The following KRT71 variants were observed in gnomAD, a reference collection of about 807,000 sequenced individuals.
KRT71 encodes keratin, type II cytoskeletal 71.
Under a neutral mutation model 46.2 loss-of-function variants are expected in KRT71, and 42 were observed. The ratio of observed to expected loss-of-function variants is 0.91; its 90% CI spans 0.71 to 1.18. The LOEUF (loss-of-function observed/expected upper bound fraction) is 1.18. Ranked by LOEUF, KRT71 falls within the 50% of genes most tolerant of loss-of-function variation. KRT71 has a pLI of 0.00. For synonymous variants in KRT71, 292 were observed against 277.8 expected (o/e 1.05, Z -0.51); for missense variants, 708 against 677.9 (o/e 1.04, Z -0.49).
Position 52,544,443 on chromosome 12 carries a change from G to T in KRT71, c.*89C>A. 8.5e-7 allele frequency: 1 copy of T among 1,177,518 alleles called. No homozygotes were observed. Among genetic ancestry groups the T allele is most frequent in the Non-Finnish European group, 1.3e-6 (1 of 791,496 alleles). 72.9% of individuals were successfully genotyped at this position (1,177,518 alleles called of 1,614,324 possible). ...TGTATGGGAGCAGGACCAGCAGGGTGGAGATGGAGCTGAGAGTGGGCTGTG... is the reference window on the plus strand; with the variant it reads ...TGTATGGGAGCAGGACCAGCAGGGTTGAGATGGAGCTGAGAGTGGGCTGTG... On this transcript the variant is annotated 3_prime_UTR_variant, in exon 9 of 9. Coordinates refer to ENST00000267119, the MANE Select transcript of KRT71 (RefSeq NM_033448.3).
chr12:52,552,043 A>G (rs2120588746), intron 1 of KRT71, among the ~76,000 whole-genome samples: 1 of 152,336 alleles, frequency 6.6e-6, no homozygotes, highest in Admixed American at 6.5e-5. Flanking sequence ...TCTCCATTTT[A>G]GAGATGAGGA....
chr12:52,552,695 G>C lies in KRT71; in HGVS notation c.383C>G (p.Ala128Gly). The C allele has an allele frequency of 6.2e-7, 1 of 1,613,936 alleles. No individual in the cohort carries two copies. The highest frequency in any genetic ancestry group is 8.5e-7 in the Non-Finnish European group (1 of 1,179,854). The change falls in exon 1 of 9, where the codon GCC (alanine) becomes GGC (glycine). Residue 128 changes from alanine (A) to glycine (G), a missense_variant. Coordinates refer to ENST00000267119, the MANE Select transcript of KRT71 (RefSeq NM_033448.3). The stretch of plus-strand genomic sequence containing the variant: ...AGCCTTGATCTGCTCTCGCTCCTGG[G>C]CACGCACTTTCTGGATCTCGGGGTC... ...ELDPEIQKVRAQEREQIKALN... is the reference protein window; with the variant it reads ...ELDPEIQKVRGQEREQIKALN...
At chr12:52,549,608 T>C (rs916654839) in intron 2 of KRT71, among the ~76,000 whole-genome samples, 1 of 152,146 alleles carries the variant, frequency 6.6e-6, no homozygotes, top group African/African-American at 2.4e-5. Flanking sequence ...TGTGGGACTC[T>C]CAGAGGAACC....
intron 7 of KRT71, among the ~76,000 whole-genome samples, chr12:52,545,843 T>C (rs1490546325): frequency 6.6e-6 from 1 of 152,084 alleles, no homozygotes; most frequent in Non-Finnish European, 1.5e-5. Context: ...GTAGGGGCAG[T>C]GTATCTACCT....
chr12:52,552,859 C>A lies in KRT71; in HGVS notation c.219G>T (p.Arg73=). 6.2e-7 allele frequency: 1 copy of A among 1,614,226 alleles called. No homozygotes were observed. The highest frequency in any genetic ancestry group is 1.7e-5 in the Admixed American group (1 of 60,032). The change falls in exon 1 of 9, where the codon CGG becomes CGT. Residue 73 remains arginine, a synonymous_variant. Transcript: ENST00000267119. ...TTCCAGCAAAGCCACTGGCCCGGCC[C>A]CGGCCAAATCCATAGCCTCCACTCT... ...SGKSGGYGFG[R]GRASGFAGSM...
At chr12:52,546,543 G>C (rs1939061638) in intron 6 of KRT71, 37 bp from the exon 7 acceptor site, 3 of 1,595,270 alleles carry the variant, frequency 1.9e-6, no homozygotes, top group Non-Finnish European at 2.6e-6. Flanking sequence ...AAATTTGGAG[G>C]AGCCACTGCA....
intron 1 of KRT71, 29 bp downstream of exon 1, chr12:52,552,608 A>G (rs1939190827): frequency 1.9e-6 from 3 of 1,581,882 alleles, no homozygotes; most frequent in Non-Finnish European, 2.6e-6. Flanking sequence ...AGGGCTGTTC[A>G]CAAGTTCCCC....
In KRT71 at chr12:52,546,415, C is replaced by G; in HGVS notation, c.1196G>C (p.Gly399Ala). Residue 399 changes from glycine to alanine, a missense_variant, in exon 7 of 9, where the codon GGC (glycine) becomes GCC (alanine). By Grantham distance (60) the Gly-to-Ala change is moderately conservative. Transcript: ENST00000267119. ...CTCCTCCTTGGCCTGGTGCAGGGCG[C>G]CCTCCAGCTCGTCCAGCTTGGCCCG... ...DARAKLDELEGALHQAKEELA... is the reference protein window; with the variant it reads ...DARAKLDELEAALHQAKEELA... The G allele has an allele frequency of 6.2e-7, 1 of 1,614,216 alleles. No individual in the cohort carries two copies. Among genetic ancestry groups the G allele is most frequent in the Non-Finnish European group, 8.5e-7 (1 of 1,180,042 alleles).
rs374409282 is a variant in KRT71, at chr12:52,552,831, T to C, written c.247A>G (p.Met83Val). 1.2e-6 allele frequency: 2 copies of C among 1,614,232 alleles called. No individual in the cohort carries two copies. The highest frequency in any genetic ancestry group is 2.2e-5 in the East Asian group (1 of 44,878). Residue 83 changes from methionine (M) to valine (V), a missense_variant, in exon 1 of 9, where the codon ATG becomes GTG. Met to Val is a conservative substitution (Grantham distance 21, BLOSUM62 1). Transcript: ENST00000267119. ...GGCCCCAGGGCCACACTGCCAAACATGCTTCCAGCAAAGCCACTGGCCCGG... is the reference window on the plus strand; with the variant it reads ...GGCCCCAGGGCCACACTGCCAAACACGCTTCCAGCAAAGCCACTGGCCCGG... ...RGRASGFAGS[M>V]FGSVALGPVC...
Position 52,544,273 on chromosome 12 carries a change from G to C in KRT71, c.*259C>G, listed in dbSNP as rs1007089362. On this transcript the variant is annotated 3_prime_UTR_variant, in exon 9 of 9. Coordinates refer to ENST00000267119, the MANE Select transcript of KRT71 (RefSeq NM_033448.3). ...GAGGAAAGCTGGCAGCCAGGACCTGGGCTGGTGGTGTAGCTGGGGGACCAC... is the reference window on the plus strand; with the variant it reads ...GAGGAAAGCTGGCAGCCAGGACCTGCGCTGGTGGTGTAGCTGGGGGACCAC... The C allele has an allele frequency of 1.8e-6, 1 of 556,134 alleles. No individual in the cohort carries two copies. The highest frequency in any genetic ancestry group is 3.2e-6 in the Non-Finnish European group (1 of 308,580). 34.4% of individuals were successfully genotyped at this position (556,134 alleles called of 1,614,324 possible). A position where few individuals can be genotyped will look rare whatever the true frequency, so the allele number is the denominator to read the frequency against.
In KRT71 at chr12:52,550,057, G is replaced by C; in HGVS notation, c.628C>G (p.Arg210Gly). 6.2e-7 allele frequency: 1 copy of C among 1,614,066 alleles called. No homozygotes were observed. The change falls in exon 2 of 9, where the codon CGG becomes GGG. Residue 210 changes from arginine to glycine, a missense_variant. Coordinates refer to ENST00000267119, the MANE Select transcript of KRT71 (RefSeq NM_033448.3). ...VRLDSELRNVRDVVEDYKKRY... is the reference protein window; with the variant it reads ...VRLDSELRNVGDVVEDYKKRY... ...TTCTTGTAGTCCTCCACTACGTCCC[G>C]CACATTCCTCAGCTCCGAGTCCAGC...
chr12:52,552,946 G>A lies in KRT71; in HGVS notation c.132C>T (p.Gly44=). The change falls in exon 1 of 9, where the codon GGC becomes GGT. Residue 44 remains glycine, a synonymous_variant. Coordinates refer to ENST00000267119, the MANE Select transcript of KRT71 (RefSeq NM_033448.3). ...CCCCCAGGCTGTAGAGGCTCCGGCT[G>A]CCAAAGCCCCCACTGAGCCCTTTGC... ...AGSKGLSGGF[G]SRSLYSLGGV... 6.2e-7 allele frequency: 1 copy of A among 1,614,150 alleles called. No individual in the cohort carries two copies. Among genetic ancestry groups the A allele is most frequent in the South Asian group, 1.1e-5 (1 of 91,088 alleles).
intron 8 of KRT71, 63 bp from the exon 9 acceptor site, chr12:52,544,806 C>T: frequency 2.2e-6 from 3 of 1,362,732 alleles, no homozygotes; most frequent in Non-Finnish European, 3.1e-6. Context: ...TCCTTTTCCC[C>T]AGGGCAGACA....
rs757890370 is a variant in KRT71, at chr12:52,548,302, G to A, written c.828C>T (p.Ile276=). Residue 276 remains isoleucine, a synonymous_variant, in exon 5 of 9, where the codon ATC becomes ATT. Coordinates refer to ENST00000267119, the MANE Select transcript of KRT71 (RefSeq NM_033448.3). ...CAGACATGTCACTGATGTGGGACTG[G>A]ATCTGAGTGATCTCCTGCAGGGGAC... is the stretch of plus-strand genomic sequence containing the variant. ...RCLFEAEITQ[I]QSHISDMSVI... 4 of 1,611,568 alleles carry A rather than the reference G, an allele frequency of 2.5e-6. No homozygotes were observed. The highest frequency in any genetic ancestry group is 2.5e-6 in the Non-Finnish European group (3 of 1,178,626).
intron 6 of KRT71, among the ~76,000 whole-genome samples, chr12:52,546,777 C>T (rs1939065312): frequency 1.3e-5 from 2 of 152,232 alleles, no homozygotes; most frequent in Admixed American, 1.3e-4. Flanking sequence ...ATTTATTCAG[C>T]CATATTGTGC....
At chr12:52,548,400 G>T (rs1161760829) in intron 4 of KRT71, 84 bp from the exon 5 acceptor site, 13 of 1,467,690 alleles carry the variant, frequency 8.9e-6, no homozygotes, top group African/African-American at 7.0e-5. Context: ...GCAAATTCTG[G>T]TGATGCCATC....
chr12:52,551,342 A>G (rs1006864169), intron 1 of KRT71, among the ~76,000 whole-genome samples: 3 of 152,060 alleles, frequency 2.0e-5, no homozygotes, highest in African/African-American at 4.8e-5. Context: ...GACCCTCCTC[A>G]TGTTCATCTT....
rs2120568345 is a variant in KRT71, at chr12:52,548,199, T to C, written c.931A>G (p.Ile311Val). The C allele has an allele frequency of 1.2e-6, 2 of 1,614,168 alleles. No homozygotes were observed. Among genetic ancestry groups the C allele is most frequent in the Non-Finnish European group, 8.5e-7 (1 of 1,180,002 alleles). Residue 311 changes from isoleucine (I) to valine (V), a missense_variant, in exon 5 of 9, where the codon ATT becomes GTT. Physicochemically the swap from Ile to Val is conservative, Grantham distance 29 (BLOSUM62 3). Transcript: ENST00000267119. ...GCCTCGGCCTTACTCTTCAAGGCAA[T>C]CTCCTCATACTGGGTGCGGACTTCG... ...IDEVRTQYEE[I>V]ALKSKAEAEA...
chr12:52,552,997 G>T lies in KRT71; in HGVS notation c.81C>A (p.Gly27=), dbSNP rs1555159881. 4 of 1,613,882 alleles carry T rather than the reference G, an allele frequency of 2.5e-6. No individual in the cohort carries two copies. Among genetic ancestry groups the T allele is most frequent in the South Asian group, 2.2e-5 (2 of 91,026 alleles). Residue 27 remains glycine, a synonymous_variant, in exon 1 of 9, where the codon GGC becomes GGA. Transcript: ENST00000267119. The part of the protein sequence containing the change: ...FSGCSAVLSG[G]SSSSFRAGSK... ...TCCCTGCCCGGAAGGAGGATGAGCT[G>T]CCCCCTGAGAGCACAGCTGAGCAGC...
Sources: gnomAD v4.1 joint callset for allele counts (sites outside exome capture counted in the v4.1 genomes callset) on GRCh38, gnomAD v4.1.1 for gene constraint, MANE v1.5 for transcripts, NCBI Gene and HGNC (gene_info 2026-07-23, HGNC 2026-07-21) for gene names.